PDE10A: variants seen among roughly 807,000 people sequenced by gnomAD.
PDE10A encodes phosphodiesterase 10A, also known as cAMP and cAMP-inhibited cGMP 3',5'-cyclic phosphodiesterase 10A.
Under a neutral mutation model 97.7 loss-of-function variants are expected in PDE10A, and 39 were observed. That is an observed-to-expected ratio of 0.40 (90% CI 0.31 to 0.52). The LOEUF (loss-of-function observed/expected upper bound fraction) is 0.52. Ranked by LOEUF, PDE10A falls within the 20% of genes least tolerant of loss-of-function variation. PDE10A has a pLI of 0.56. For missense variants in PDE10A, 731 were observed against 1,047.8 expected (o/e 0.70, Z 4.17); for synonymous variants, 371 against 376.8 (o/e 0.98, Z 0.18).
At chr6:165,952,121 T>G (rs1053087780) in intron 1 of PDE10A, among the ~76,000 whole-genome samples, 3 of 152,244 alleles carry the variant, frequency 2.0e-5, no homozygotes, top group Non-Finnish European at 4.4e-5. Flanking sequence ...AGTCTGTGCA[T>G]CTAATACGTG....
At chr6:165,599,532 C>T (rs1257971654) in intron 1 of PDE10A, among the ~76,000 whole-genome samples, 1 of 152,206 alleles carries the variant, frequency 6.6e-6, no homozygotes, top group Non-Finnish European at 1.5e-5. Context: ...GTTGCCATCA[C>T]TTAACCCAGG....
intron 1 of PDE10A, among the ~76,000 whole-genome samples, chr6:165,839,820 A>C (rs1780173733): frequency 2.7e-5 from 1 of 37,404 alleles, no homozygotes; most frequent in African/African-American, 1.1e-4. Context: ...CTCCATCCCC[A>C]TCTCCAATCT....
At chr6:165,709,471 C>T (rs1337824897) in intron 1 of PDE10A, among the ~76,000 whole-genome samples, 2 of 137,482 alleles carry the variant, frequency 1.5e-5, no homozygotes, top group African/African-American at 5.6e-5. Context: ...TTTGGGCTCC[C>T]TCCACTCTCC....
At chr6:165,703,990 T>C (rs923329411) in intron 1 of PDE10A, among the ~76,000 whole-genome samples, 2 of 152,182 alleles carry the variant, frequency 1.3e-5, no homozygotes, top group African/African-American at 4.8e-5. Context: ...CATTTTCTTT[T>C]CCCACACGTT....
chr6:165,936,272 A>G (rs115269948), intron 1 of PDE10A, among the ~76,000 whole-genome samples: 139 of 152,150 alleles, frequency 9.1e-4, no homozygotes, highest in African/African-American at 3.3e-3. Flanking sequence ...AGAGGGAGGA[A>G]TGTGATGAAC....
At chr6:165,672,076 A>G (rs1790662183) in intron 1 of PDE10A, among the ~76,000 whole-genome samples, 1 of 152,242 alleles carries the variant, frequency 6.6e-6, no homozygotes, top group South Asian at 2.1e-4. Context: ...AGACAGATCA[A>G]TATAGATACT....
chr6:165,674,489 G>GACGT (rs2128437524), intron 1 of PDE10A, among the ~76,000 whole-genome samples: 1 of 152,336 alleles, frequency 6.6e-6, no homozygotes, highest in East Asian at 1.9e-4. Flanking sequence ...GATTCAGATT[G>GACGT]ACGTGCGTGC....
At chr6:165,611,692 G>C (rs1787502305) in intron 1 of PDE10A, among the ~76,000 whole-genome samples, 1 of 152,156 alleles carries the variant, frequency 6.6e-6, no homozygotes, top group Non-Finnish European at 1.5e-5. Flanking sequence ...AAACACATAG[G>C]AAAATCCTTC....
chr6:165,418,820 C>G lies in PDE10A; in HGVS notation c.1654-43G>C, dbSNP rs1788496635. The G allele has an allele frequency of 1.4e-5, 21 of 1,543,126 alleles. No individual in the cohort carries two copies. The East Asian group carries it at 4.7e-4, about 35-fold the overall frequency. On this transcript the variant is annotated intron_variant, in intron 10 of 21. Coordinates refer to ENST00000539869, the MANE Select transcript of PDE10A (RefSeq NM_001385079.1). This position sits in a 1 kb window ranked among gnomAD's most constrained non-coding sequence, Gnocchi z 4.8. ...AATAAGAGGAAGACAATGAGACATT[C>G]AAAGAACTTGCAGGTAAACTTTATC... is the stretch of plus-strand genomic sequence containing the variant.
At chr6:165,423,798 C>T (rs748448902) in intron 10 of PDE10A, among the ~76,000 whole-genome samples, 1 of 150,720 alleles carries the variant, frequency 6.6e-6, no homozygotes, top group African/African-American at 2.4e-5. Context: ...AGCAGTGAGC[C>T]GAGATCATGC....
chr6:165,439,764 G>A (rs1790295443), intron 5 of PDE10A, among the ~76,000 whole-genome samples: 2 of 152,108 alleles, frequency 1.3e-5, no homozygotes, highest in Admixed American at 1.3e-4. Context: ...GTTCAGTAAA[G>A]GACTTAAAAA....
Position 165,388,289 on chromosome 6 carries a change from G to T in PDE10A, c.2610+9C>A. Reference sequence around the variant, plus strand: ...CAGACTAAGCGAGAGACGGCGTGCAGTGACTCACCTGGAGGATGGACACAG... The same window carrying T: ...CAGACTAAGCGAGAGACGGCGTGCATTGACTCACCTGGAGGATGGACACAG... On this transcript the variant is annotated intron_variant, in intron 17 of 21. Transcript: ENST00000539869. The surrounding 1 kb of genome is among the most constrained non-coding windows in gnomAD (Gnocchi z 4.0). 6.2e-7 allele frequency: 1 copy of T among 1,613,678 alleles called. No individual in the cohort carries two copies. The highest frequency in any genetic ancestry group is 8.5e-7 in the Non-Finnish European group (1 of 1,179,734).
In PDE10A at chr6:165,332,275, T is replaced by C. The variant is rs1393711073; in HGVS notation, c.*750A>G. The C allele has an allele frequency of 3.9e-5, 6 of 152,204 alleles. No homozygotes were observed. The highest frequency in any genetic ancestry group is 1.9e-4 in the East Asian group (1 of 5,194). 9.4% of individuals were successfully genotyped at this position (152,204 alleles called of 1,614,324 possible). On this transcript the variant is annotated 3_prime_UTR_variant, in exon 22 of 22. Transcript: ENST00000539869. ...ACAAAAACAATTTTAAAAACTGACA[T>C]CTTTTGAACTGCTACTTGAAGTTCT... is the stretch of plus-strand genomic sequence containing the variant.
At chr6:165,401,847 A>C (rs220783) in intron 13 of PDE10A, among the ~76,000 whole-genome samples, 33,604 of 152,128 alleles carry the variant, frequency 0.22, 3,924 homozygotes, top group Middle Eastern at 0.32. Flanking sequence ...CCAAAAACAT[A>C]TCAAGACCCA....
intron 1 of PDE10A, among the ~76,000 whole-genome samples, chr6:165,636,881 T>C (rs1421466822): frequency 6.6e-6 from 1 of 152,144 alleles, no homozygotes; most frequent in African/African-American, 2.4e-5. Flanking sequence ...TCAAAGCCAC[T>C]TTTAGTATCT....
intron 1 of PDE10A, among the ~76,000 whole-genome samples, chr6:165,926,549 A>G (rs1188125600): frequency 1.3e-5 from 2 of 152,232 alleles, no homozygotes. Context: ...TAACGGTTAG[A>G]TTGGACACAC....
Position 165,579,037 on chromosome 6 carries a change from G to C in PDE10A, c.866-35469C>G, listed in dbSNP as rs9459456. Among the ~76,000 whole-genome samples the C allele has an allele frequency of 3.3e-3, 502 of 152,286 alleles. 5 individuals are homozygous for C. The highest frequency in any genetic ancestry group is 0.011 in the African/African-American group (476 of 41,558). ...ACGGAAAGGGCATCTCAGACAGAAG[G>C]AACAGCACATACCCTCCCAAGAAGG... On this transcript the variant is annotated intron_variant, in intron 1 of 21. Transcript: ENST00000539869.
rs776640039 is a variant in PDE10A, at chr6:165,661,927, A to G, written c.865+20T>C. 4 of 854,584 alleles carry G rather than the reference A, an allele frequency of 4.7e-6. No individual in the cohort carries two copies. The highest frequency in any genetic ancestry group is 2.2e-4 in the Middle Eastern group (1 of 4,458). 52.9% of individuals were successfully genotyped at this position (854,584 alleles called of 1,614,324 possible). ...TGAGGAGCCGCCCCACCTCCGGGGA[A>G]CGGGGAGCAGGCCACTTACTGGGGC... On this transcript the variant is annotated intron_variant, in intron 1 of 21. Coordinates refer to ENST00000539869, the MANE Select transcript of PDE10A (RefSeq NM_001385079.1). This position sits in a 1 kb window ranked among gnomAD's most constrained non-coding sequence, Gnocchi z 4.8.
intron 1 of PDE10A, among the ~76,000 whole-genome samples, chr6:165,941,900 C>T (rs559660584): frequency 2.0e-5 from 3 of 152,154 alleles, no homozygotes; most frequent in Non-Finnish European, 4.4e-5. Flanking sequence ...GCCATTTCAC[C>T]TTTCTTTAAG....
Sources: allele counts gnomAD v4.1 joint callset (sites outside exome capture counted in the v4.1 genomes callset), GRCh38; gene constraint gnomAD v4.1.1; non-coding constraint Gnocchi (gnomAD v3.1); transcripts MANE v1.5; gene names NCBI Gene and HGNC (gene_info 2026-07-23, HGNC 2026-07-21).